SPAG16: variants seen among roughly 807,000 people sequenced by gnomAD.
SPAG16 encodes the protein sperm-associated antigen 16 protein.
Under a neutral mutation model 80.4 loss-of-function variants are expected in SPAG16, and 86 were observed. The observed-to-expected ratio is 1.07, with a 90% CI of 0.90 to 1.28. SPAG16 has a LOEUF of 1.28. Ranked by LOEUF, SPAG16 falls within the 50% of genes most tolerant of loss-of-function variation. The pLI is 0.00. For missense variants in SPAG16, 870 were observed against 765.3 expected (o/e 1.14, Z -1.61); for synonymous variants, 294 against 265.9 (o/e 1.11, Z -1.03).
chr2:213,661,838 T>A (rs2063437342), intron 10 of SPAG16, among the ~76,000 whole-genome samples: 1 of 152,196 alleles, frequency 6.6e-6, no homozygotes, highest in Non-Finnish European at 1.5e-5. Context: ...TGAATCCAGA[T>A]AATAATTCCT....
intron 9 of SPAG16, among the ~76,000 whole-genome samples, chr2:213,468,326 G>T (rs1349402583): frequency 1.3e-5 from 2 of 149,228 alleles, no homozygotes; most frequent in African/African-American, 4.9e-5. Context: ...ATTAGTCAGG[G>T]CTCTCTAGAG....
intron 9 of SPAG16, among the ~76,000 whole-genome samples, chr2:213,423,153 C>G (rs1180341780): frequency 6.6e-6 from 1 of 152,178 alleles, no homozygotes; most frequent in Non-Finnish European, 1.5e-5. Context: ...TAACCAGGAC[C>G]AAATGATCTC....
At chr2:214,356,119 G>T (rs1439867441) in intron 15 of SPAG16, among the ~76,000 whole-genome samples, 1 of 151,140 alleles carries the variant, frequency 6.6e-6, no homozygotes, top group Non-Finnish European at 1.5e-5. Context: ...CAGCACACCA[G>T]CATGGCACAT....
chr2:213,514,425 G>C (rs992709506), intron 10 of SPAG16, among the ~76,000 whole-genome samples: 6 of 151,950 alleles, frequency 3.9e-5, no homozygotes, highest in Non-Finnish European at 8.8e-5. Context: ...AATATAATTT[G>C]CTTCATTAAA....
chr2:213,502,820 C>A (rs1187029668), intron 10 of SPAG16, among the ~76,000 whole-genome samples: 2 of 152,216 alleles, frequency 1.3e-5, no homozygotes, highest in Non-Finnish European at 2.9e-5. Context: ...CTATCAACTT[C>A]TTTGGGAAAG....
chr2:213,463,051 T>C (rs1036253149), intron 9 of SPAG16, among the ~76,000 whole-genome samples: 1 of 152,104 alleles, frequency 6.6e-6, no homozygotes, highest in Admixed American at 6.5e-5. Context: ...CAGGCTGAGG[T>C]TGTCTGAGAT....
chr2:213,546,697 T>C (rs1403748069), intron 10 of SPAG16, among the ~76,000 whole-genome samples: 2 of 152,082 alleles, frequency 1.3e-5, no homozygotes, highest in East Asian at 1.9e-4. Context: ...TAAAGCGGCC[T>C]CCTCCTTGTT....
chr2:213,888,246 A>G (rs1046444303), intron 11 of SPAG16, among the ~76,000 whole-genome samples: 4 of 151,810 alleles, frequency 2.6e-5, no homozygotes, highest in Admixed American at 6.6e-5. Context: ...ATTATTTAAC[A>G]TTTTATTTTC....
intron 10 of SPAG16, among the ~76,000 whole-genome samples, chr2:213,674,214 G>T (rs1296551910): frequency 2.0e-5 from 3 of 151,920 alleles, no homozygotes; most frequent in African/African-American, 7.3e-5. Context: ...TAATTTTATA[G>T]TTTCATTTAT....
At chr2:213,470,530 G>C (rs897170877) in intron 9 of SPAG16, among the ~76,000 whole-genome samples, 1 of 152,176 alleles carries the variant, frequency 6.6e-6, no homozygotes, top group African/African-American at 2.4e-5. Flanking sequence ...CCAGGTAGCT[G>C]GTTGATCACC....
intron 13 of SPAG16, among the ~76,000 whole-genome samples, chr2:214,057,643 C>A (rs1004336998): frequency 2.6e-5 from 4 of 152,152 alleles, no homozygotes; most frequent in African/African-American, 9.7e-5. Context: ...GTCAGCCTGT[C>A]CTCTGAAGCT....
intron 15 of SPAG16, among the ~76,000 whole-genome samples, chr2:214,195,299 G>GAGATGATAGATAGAT (rs2057794521): frequency 6.1e-5 from 1 of 16,456 alleles, no homozygotes; most frequent in African/African-American, 1.7e-4. Flanking sequence ...AGATAGATGA[G>GAGATGATAGATAGAT]AGATGATAGA....
intron 1 of SPAG16, among the ~76,000 whole-genome samples, chr2:213,291,152 G>A (rs2062257822): frequency 6.6e-6 from 1 of 152,002 alleles, no homozygotes; most frequent in Non-Finnish European, 1.5e-5. Context: ...TGAGACCTAT[G>A]GTATCTGCTG....
intron 11 of SPAG16, among the ~76,000 whole-genome samples, chr2:213,898,992 A>G (rs2077105934): frequency 6.6e-6 from 1 of 152,156 alleles, no homozygotes; most frequent in Non-Finnish European, 1.5e-5. Context: ...GGGAATGAAA[A>G]CTAAGTAAAG....
chr2:214,032,736 A>G (rs1418969539), intron 13 of SPAG16, among the ~76,000 whole-genome samples: 9 of 152,110 alleles, frequency 5.9e-5, no homozygotes, highest in African/African-American at 1.9e-4. Flanking sequence ...ATAAAGTAAA[A>G]CCCCAAATTC....
intron 10 of SPAG16, among the ~76,000 whole-genome samples, chr2:213,855,643 G>T (rs1305369306): frequency 6.6e-6 from 1 of 152,178 alleles, no homozygotes; most frequent in Non-Finnish European, 1.5e-5. Flanking sequence ...TGGCTGGGGA[G>T]ACCGCAGGAA....
intron 10 of SPAG16, among the ~76,000 whole-genome samples, chr2:213,588,223 T>A (rs1189051757): frequency 2.6e-5 from 4 of 152,190 alleles, no homozygotes; most frequent in Admixed American, 6.5e-5. Context: ...CATGCATAAT[T>A]TGAAATAGTT....
At chr2:214,159,906 T>C (rs551223291) in intron 15 of SPAG16, among the ~76,000 whole-genome samples, 1 of 152,148 alleles carries the variant, frequency 6.6e-6, no homozygotes, top group African/African-American at 2.4e-5. Flanking sequence ...ATTCCCTCTC[T>C]TATATATCTG....
intron 10 of SPAG16, among the ~76,000 whole-genome samples, chr2:213,732,384 G>C (rs1574972322): frequency 6.6e-6 from 1 of 152,062 alleles, no homozygotes; most frequent in Non-Finnish European, 1.5e-5. Flanking sequence ...AAGTGAAGGA[G>C]GGATGTCCTC....
Sources: gnomAD v4.1 joint callset for allele counts (sites outside exome capture counted in the v4.1 genomes callset) on GRCh38, gnomAD v4.1.1 for gene constraint, MANE v1.5 for transcripts, NCBI Gene and HGNC (gene_info 2026-07-23, HGNC 2026-07-21) for gene names.